The following CYTH3 variants were observed in gnomAD, a reference collection of about 807,000 sequenced individuals.
CYTH3 encodes the protein cytohesin 3.
Under a neutral mutation model 55.1 loss-of-function variants are expected in CYTH3, and 23 were observed. That is an observed-to-expected ratio of 0.42 (90% CI 0.30 to 0.59). The LOEUF is 0.59. Ranked by LOEUF, CYTH3 falls within the 20% of genes least tolerant of loss-of-function variation. The probability of loss-of-function intolerance (pLI) is 0.20; values close to 1 mark genes in which losing one functional copy is unlikely to be tolerated. For missense variants in CYTH3, 413 were observed against 524.8 expected (o/e 0.79, Z 2.08); for synonymous variants, 249 against 194.9 (o/e 1.28, Z -2.31).
chr7:6,218,460 A>C (rs1784472729), intron 1 of CYTH3, among the ~76,000 whole-genome samples: 1 of 152,200 alleles, frequency 6.6e-6, no homozygotes, highest in African/African-American at 2.4e-5. Flanking sequence ...GGCCCAGTGA[A>C]GCTGATTTCA....
intron 1 of CYTH3, among the ~76,000 whole-genome samples, chr7:6,193,457 CA>C (rs1156744555): frequency 1.3e-5 from 2 of 151,700 alleles, no homozygotes; most frequent in East Asian, 3.9e-4. Flanking sequence ...AAACCTGTCA[CA>C]ACAAAGAGAA....
At chr7:6,168,500 AC>A (rs527699902) in intron 9 of CYTH3, among the ~76,000 whole-genome samples, 61 of 152,088 alleles carry the variant, frequency 4.0e-4, no homozygotes, top group Admixed American at 2.7e-3. Context: ...TTGGTCTCGA[AC>A]TTTGTTTCTG....
chr7:6,201,146 G>C lies in CYTH3; in HGVS notation c.35-10615C>G, dbSNP rs543116061. Among the ~76,000 whole-genome samples, 5 of 152,304 alleles carry C rather than the reference G, an allele frequency of 3.3e-5. No individual in the cohort carries two copies. In the South Asian group the frequency reaches 1.0e-3, roughly 32 times the overall value. On this transcript the variant is annotated intron_variant, in intron 1 of 12. Transcript: ENST00000350796. ...AAAAGGGCAGGCTCTGAGCTGCCAG[G>C]GGCTGCGCTCTGCCTCTCCTCACCA...
At chr7:6,172,680 A>G in intron 6 of CYTH3, 1 of 1,046,924 alleles carries the variant, frequency 9.6e-7, no homozygotes, top group Non-Finnish European at 1.2e-6. Context: ...GGACTGAAAG[A>G]AATGGAGTCA....
chr7:6,188,253 A>G (rs1255036552), intron 2 of CYTH3, among the ~76,000 whole-genome samples: 1 of 152,056 alleles, frequency 6.6e-6, no homozygotes, highest in Non-Finnish European at 1.5e-5. Flanking sequence ...GGACTGCATG[A>G]ACCCACGAGT....
rs1782936081 is a variant in CYTH3 at position 6,164,727 on chromosome 7, G to A, written c.*217C>T. 4.7e-6 allele frequency: 3 copies of A among 637,146 alleles called. No individual in the cohort carries two copies. Among genetic ancestry groups the A allele is most frequent in the Non-Finnish European group, 5.6e-6 (2 of 357,732 alleles). 39.5% of individuals were successfully genotyped at this position (637,146 alleles called of 1,614,324 possible). Reference sequence around the variant, plus strand: ...CGAGGATCAGTCTGGGCCACGGTACGCTCTGGAGCAGCAGCTTGCACTGCA... The same window carrying A: ...CGAGGATCAGTCTGGGCCACGGTACACTCTGGAGCAGCAGCTTGCACTGCA... On this transcript the variant is annotated 3_prime_UTR_variant, in exon 13 of 13. Transcript: ENST00000350796.
intron 1 of CYTH3, among the ~76,000 whole-genome samples, chr7:6,232,022 T>C (rs1271775585): frequency 6.6e-6 from 1 of 152,206 alleles, no homozygotes; most frequent in African/African-American, 2.4e-5. Context: ...AACTTGCCTC[T>C]TTTCCTGATC....
intron 1 of CYTH3, among the ~76,000 whole-genome samples, chr7:6,257,550 G>A (rs766570426): frequency 1.4e-4 from 21 of 147,932 alleles, no homozygotes; most frequent in South Asian, 4.4e-4. Flanking sequence ...CTAAGAATAC[G>A]AAAACGTATT....
intron 1 of CYTH3, among the ~76,000 whole-genome samples, chr7:6,196,291 G>C (rs892832880): frequency 4.6e-5 from 7 of 152,096 alleles, no homozygotes; most frequent in Non-Finnish European, 8.8e-5. Flanking sequence ...AAGAGATAAC[G>C]TGAGAAGTAG....
chr7:6,179,152 G>C (rs969330237), intron 4 of CYTH3, among the ~76,000 whole-genome samples: 1 of 152,032 alleles, frequency 6.6e-6, no homozygotes, highest in Non-Finnish European at 1.5e-5. Flanking sequence ...TAAGAGAACC[G>C]ATCAGTACAT....
chr7:6,199,026 A>T (rs1382842874), intron 1 of CYTH3, among the ~76,000 whole-genome samples: 1 of 152,230 alleles, frequency 6.6e-6, no homozygotes, highest in Non-Finnish European at 1.5e-5. Context: ...TCTTACTCTA[A>T]TTCTTGATAG....
chr7:6,269,593 C>T (rs947820340), intron 1 of CYTH3, among the ~76,000 whole-genome samples: 6 of 99,804 alleles, frequency 6.0e-5, no homozygotes, highest in Non-Finnish European at 2.0e-5. Context: ...CTCCAATTAG[C>T]TCAAGAACTG....
At chr7:6,172,522 A>G (rs1260974764) in intron 6 of CYTH3, among the ~76,000 whole-genome samples, 8 of 152,038 alleles carry the variant, frequency 5.3e-5, no homozygotes, top group African/African-American at 1.7e-4. Context: ...GACAAAAGCT[A>G]ACATCCTCAG....
rs1048382520 is a variant in CYTH3 at position 6,167,618 on chromosome 7, T to A, written c.824-1808A>T. On this transcript the variant is annotated intron_variant, in intron 9 of 12. Transcript: ENST00000350796. This position sits in a 1 kb window ranked among gnomAD's most constrained non-coding sequence, Gnocchi z 5.5. ...AGCCCCCCAAAGGGTCCCACTGCAC[T>A]CAGCTTTAAACCCAACTCCTTGGGC... Among the ~76,000 whole-genome samples the A allele has an allele frequency of 1.8e-4, 28 of 152,174 alleles. No homozygotes were observed. Among genetic ancestry groups the A allele is most frequent in the Non-Finnish European group, 3.8e-4 (26 of 68,022 alleles).
chr7:6,227,775 G>A (rs754499324), intron 1 of CYTH3, among the ~76,000 whole-genome samples: 131 of 152,140 alleles, frequency 8.6e-4, no homozygotes, highest in Non-Finnish European at 8.1e-4. Flanking sequence ...AGGCCAATAC[G>A]ATATCTCATA....
At chr7:6,172,302 G>A (rs539720114) in intron 6 of CYTH3, among the ~76,000 whole-genome samples, 2 of 151,896 alleles carry the variant, frequency 1.3e-5, no homozygotes, top group East Asian at 1.9e-4. Context: ...TTCCAGCCAC[G>A]TCTGGCCCCA....
At chr7:6,185,544 C>T (rs975289719) in intron 4 of CYTH3, among the ~76,000 whole-genome samples, 1 of 151,706 alleles carries the variant, frequency 6.6e-6, no homozygotes, top group African/African-American at 2.4e-5. Context: ...AAAAAAAATA[C>T]AAAAAATTAG....
chr7:6,180,728 A>G (rs1233829470), intron 4 of CYTH3, among the ~76,000 whole-genome samples: 2 of 152,232 alleles, frequency 1.3e-5, no homozygotes, highest in Non-Finnish European at 2.9e-5. Flanking sequence ...AATGTTTACT[A>G]TTTTAAAATA....
chr7:6,180,796 C>G (rs1355967316), intron 4 of CYTH3, among the ~76,000 whole-genome samples: 1 of 152,122 alleles, frequency 6.6e-6, no homozygotes, highest in African/African-American at 2.4e-5. Flanking sequence ...CCCACTACAC[C>G]TACTCTATCT....
Sources: gnomAD v4.1 joint callset for allele counts (sites outside exome capture counted in the v4.1 genomes callset) on GRCh38, gnomAD v4.1.1 for gene constraint, Gnocchi (gnomAD v3.1) non-coding constraint, MANE v1.5 for transcripts, NCBI Gene and HGNC (gene_info 2026-07-23, HGNC 2026-07-21) for gene names.